TRIM2: variants seen among roughly 807,000 people sequenced by gnomAD.
TRIM2 encodes tripartite motif-containing protein 2.
In TRIM2, 20 loss-of-function variants were observed where a neutral mutation model predicts 75.2. The observed-to-expected ratio is 0.27, with a 90% CI of 0.19 to 0.39. The LOEUF is 0.39. Ranked by LOEUF, TRIM2 falls within the 10% of genes least tolerant of loss-of-function variation. The pLI is 1.00. For synonymous variants in TRIM2, 373 were observed against 388.3 expected, an observed-to-expected ratio of 0.96 and a Z score of 0.46; for missense variants, 660 against 990.8, an observed-to-expected ratio of 0.67 and a Z score of 4.48.
At chr4:153,276,340 T>C in intron 3 of TRIM2, 1 of 593,194 alleles carries the variant, frequency 1.7e-6, no homozygotes, top group Non-Finnish European at 3.0e-6. Context: ...CTGTGTCTCC[T>C]TCACACATAT....
intron 1 of TRIM2, among the ~76,000 whole-genome samples, chr4:153,243,817 TTCC>T (rs749439075): frequency 2.2e-4 from 27 of 120,650 alleles, no homozygotes; most frequent in African/African-American, 1.1e-3. Flanking sequence ...CTTTTTTTTT[TTCC>T]CCCCCCCCTT....
chr4:153,253,522 G>A (rs186146150), intron 1 of TRIM2, among the ~76,000 whole-genome samples: 3 of 152,324 alleles, frequency 2.0e-5, no homozygotes, highest in Admixed American at 2.0e-4. Context: ...ACTGTCAGAG[G>A]TGTTTGAACC....
At chr4:153,324,052 CAT>C (rs758430962) in intron 9 of TRIM2, 24 bp from the exon 10 acceptor site, 5 of 1,593,002 alleles carry the variant, frequency 3.1e-6, no homozygotes, top group Admixed American at 3.4e-5. Flanking sequence ...GTAGTCATCA[CAT>C]ATTTTTTTCC....
intron 1 of TRIM2, among the ~76,000 whole-genome samples, chr4:153,198,473 C>T (rs1269704166): frequency 2.0e-5 from 3 of 152,142 alleles, no homozygotes; most frequent in Non-Finnish European, 4.4e-5. Context: ...ACCATGATTA[C>T]GAGACCTCCC....
intron 6 of TRIM2, among the ~76,000 whole-genome samples, chr4:153,304,877 T>C (rs1764661062): frequency 2.0e-5 from 3 of 152,218 alleles, no homozygotes; most frequent in Non-Finnish European, 4.4e-5. Flanking sequence ...TGTAATGTAG[T>C]GTAGTGACTT....
intron 1 of TRIM2, among the ~76,000 whole-genome samples, chr4:153,224,967 G>A (rs770335882): frequency 6.6e-6 from 1 of 152,164 alleles, no homozygotes; most frequent in Non-Finnish European, 1.5e-5. Context: ...GAAAGAGGTT[G>A]GATAGTTATT....
chr4:153,308,186 T>A (rs1178317015), intron 6 of TRIM2: 1 of 1,414,248 alleles, frequency 7.1e-7, no homozygotes, highest in African/African-American at 1.4e-5. Flanking sequence ...CCCGGGCATC[T>A]TGGTCAATCA....
At chr4:153,187,800 G>A (rs967774573) in intron 1 of TRIM2, among the ~76,000 whole-genome samples, 4 of 152,124 alleles carry the variant, frequency 2.6e-5, no homozygotes, top group African/African-American at 9.7e-5. Context: ...CATCATAGGT[G>A]TTTCAATGGG....
chr4:153,192,821 C>A (rs1381975996), intron 1 of TRIM2, among the ~76,000 whole-genome samples: 2 of 152,042 alleles, frequency 1.3e-5, no homozygotes, highest in African/African-American at 4.8e-5. Flanking sequence ...CTTGATGGGC[C>A]CATCCAGATC....
chr4:153,282,397 TTTTG>T (rs201048822), intron 3 of TRIM2, among the ~76,000 whole-genome samples: 4 of 152,112 alleles, frequency 2.6e-5, no homozygotes, highest in African/African-American at 7.2e-5. Context: ...TGAGATCAAT[TTTTG>T]TTTGTTTGTT....
At chr4:153,234,692 C>G (rs997951276) in intron 1 of TRIM2, among the ~76,000 whole-genome samples, 1 of 152,140 alleles carries the variant, frequency 6.6e-6, no homozygotes, top group Non-Finnish European at 1.5e-5. Context: ...ACAGAAAATG[C>G]ATAGGTAGCA....
chr4:153,280,326 G>A (rs1759006738), intron 3 of TRIM2, among the ~76,000 whole-genome samples: 1 of 149,572 alleles, frequency 6.7e-6, no homozygotes, highest in African/African-American at 2.5e-5. Context: ...AAAATCATTA[G>A]TAGCTTAATT....
At chr4:153,173,083 C>G (rs11099876) in intron 1 of TRIM2, among the ~76,000 whole-genome samples, 76,036 of 152,092 alleles carry the variant, frequency 0.5, 19,541 homozygotes, top group African/African-American at 0.62. Flanking sequence ...TGGCTGGAGT[C>G]CAAAGTGACA....
At chr4:153,222,075 AAG>A (rs1207494051) in intron 1 of TRIM2, among the ~76,000 whole-genome samples, 14 of 50,070 alleles carry the variant, frequency 2.8e-4, no homozygotes, top group Admixed American at 1.0e-3. Context: ...GAAGGAAAGA[AAG>A]AGAGAGAGAG....
intron 6 of TRIM2, among the ~76,000 whole-genome samples, chr4:153,303,403 G>A (rs1243091790): frequency 2.6e-5 from 4 of 151,718 alleles, no homozygotes; most frequent in African/African-American, 9.7e-5. Flanking sequence ...AACCCAGGAG[G>A]CGGAGATTGC....
intron 1 of TRIM2, among the ~76,000 whole-genome samples, chr4:153,214,802 G>C (rs546649885): frequency 6.6e-5 from 10 of 152,278 alleles, no homozygotes; most frequent in African/African-American, 2.2e-4. Flanking sequence ...CCTTAAATCT[G>C]TGTTTTGACA....
In TRIM2 at chr4:153,293,255, A is replaced by G. The variant is rs570701297; in HGVS notation, c.605+122A>G. On this transcript the variant is annotated intron_variant, in intron 4 of 11. Coordinates refer to ENST00000338700, the MANE Select transcript of TRIM2 (RefSeq NM_015271.5). ...CTTGAGATATCAGGCTTTGTGGGTA[A>G]ATAAGTTCTTTTATCATGGATTTGT... The G allele has an allele frequency of 5.7e-4, 588 of 1,028,032 alleles. 8 individuals carry two copies. In the South Asian group the frequency reaches 0.013, roughly 22 times the overall value. The allele number at this position is 1,028,032 out of a possible 1,614,324, so 63.7% of individuals were successfully genotyped here. A position where few individuals can be genotyped will look rare whatever the true frequency, so the allele number is the denominator to read the frequency against.
chr4:153,309,309 A>G (rs1337470092), intron 6 of TRIM2, among the ~76,000 whole-genome samples: 3 of 152,212 alleles, frequency 2.0e-5, no homozygotes, highest in Non-Finnish European at 4.4e-5. Context: ...CCTGTCTCTG[A>G]TGATCTCGGT....
chr4:153,315,631 A>C (rs1767417177), intron 7 of TRIM2, 43 bp downstream of exon 7: 1 of 1,482,454 alleles, frequency 6.7e-7, no homozygotes, highest in Non-Finnish European at 9.2e-7. Context: ...TATATTGATA[A>C]AAATATATAT....
Sources: gnomAD v4.1 joint callset for allele counts (sites outside exome capture counted in the v4.1 genomes callset) on GRCh38, gnomAD v4.1.1 for gene constraint, MANE v1.5 for transcripts, NCBI Gene and HGNC (gene_info 2026-07-23, HGNC 2026-07-21) for gene names.